VWA3B: variants seen among roughly 807,000 people sequenced by gnomAD.
VWA3B encodes von Willebrand factor A domain containing 3B, also known as von Willebrand factor A domain-containing protein 3B.
A neutral mutation model predicts 158.3 loss-of-function variants in VWA3B; 138 were observed. That is an observed-to-expected ratio of 0.87 (90% CI 0.76 to 1.00). The LOEUF is 1.00. VWA3B is among the 50% of genes least tolerant of loss of function. VWA3B has a pLI of 0.00. For missense variants in VWA3B, 1,555 were observed against 1,565.1 expected (o/e 0.99, Z 0.11); for synonymous variants, 596 against 587.3 (o/e 1.01, Z -0.21).
At chr2:98,240,019 A>T (rs1045638840) in intron 19 of VWA3B, among the ~76,000 whole-genome samples, 1 of 152,138 alleles carries the variant, frequency 6.6e-6, no homozygotes, top group Non-Finnish European at 1.5e-5. Flanking sequence ...TTTATCTGAT[A>T]AGTAATATAT....
intron 19 of VWA3B, chr2:98,242,298 G>A (rs888548391): frequency 6.6e-6 from 3 of 456,012 alleles, no homozygotes; most frequent in Non-Finnish European, 1.3e-5. Context: ...TTGGAAATGA[G>A]GTATTGAGCA....
At chr2:98,287,144 T>C (rs1689214864) in intron 22 of VWA3B, among the ~76,000 whole-genome samples, 1 of 152,260 alleles carries the variant, frequency 6.6e-6, no homozygotes, top group African/African-American at 2.4e-5. Flanking sequence ...TTCTGAGTGT[T>C]AGGATTTCCT....
intron 19 of VWA3B, among the ~76,000 whole-genome samples, chr2:98,240,418 G>A (rs10170356): frequency 0.89 from 135,000 of 152,210 alleles, 60,073 homozygotes; most frequent in East Asian, 0.97. Flanking sequence ...ATCTTTGCAC[G>A]TAGATTTTTG....
chr2:98,287,899 A>T lies in VWA3B; in HGVS notation c.3046-2612A>T, dbSNP rs150241077. On this transcript the variant is annotated intron_variant, in intron 22 of 27. Transcript: ENST00000477737. ...GAGTACATGGTCTTTTTCTTCTGTT[A>T]TATCAATTCTATCATTTCTGCTACT... Among the ~76,000 whole-genome samples the T allele has an allele frequency of 1.0e-2, 1,519 of 152,262 alleles. 10 individuals carry two copies. Among genetic ancestry groups the T allele is most frequent in the Non-Finnish European group, 0.017 (1,143 of 68,012 alleles).
chr2:98,166,039 A>G (rs1322349133), intron 8 of VWA3B, among the ~76,000 whole-genome samples: 1 of 152,092 alleles, frequency 6.6e-6, no homozygotes, highest in Non-Finnish European at 1.5e-5. Context: ...CAGGGTCTTT[A>G]AAAAGGTAAT....
At chr2:98,118,116 ATT>A (rs1018367312) in intron 3 of VWA3B, among the ~76,000 whole-genome samples, 5 of 152,154 alleles carry the variant, frequency 3.3e-5, no homozygotes, top group Admixed American at 6.5e-5. Context: ...TGCTAAGTAT[ATT>A]TTTTATCTGA....
At chr2:98,313,603 C>T (rs894461862), downstream of VWA3B, among the ~76,000 whole-genome samples, 2 of 152,222 alleles carry the variant, frequency 1.3e-5, no homozygotes, top group African/African-American at 4.8e-5. Context: ...TACGTGCATG[C>T]ATGTGAGCCT....
intron 8 of VWA3B, among the ~76,000 whole-genome samples, chr2:98,170,083 C>T (rs570709548): frequency 1.7e-4 from 26 of 152,056 alleles, no homozygotes; most frequent in Non-Finnish European, 3.4e-4. Context: ...GTGGTGATCG[C>T]ACCACTGCAT....
At chr2:98,093,432 G>A in intron 2 of VWA3B, 144 bp downstream of exon 2, 6 of 715,068 alleles carry the variant, frequency 8.4e-6, no homozygotes, top group South Asian at 4.0e-5. Context: ...ATGCTTGCAC[G>A]TGTGCCCCCA....
At chr2:98,102,568 G>T (rs796341113) in intron 2 of VWA3B, among the ~76,000 whole-genome samples, 1 of 152,134 alleles carries the variant, frequency 6.6e-6, no homozygotes, top group African/African-American at 2.4e-5. Flanking sequence ...TGGGGCGGCC[G>T]GCCCTTATTT....
chr2:98,199,012 A>G (rs1682299812), intron 12 of VWA3B, among the ~76,000 whole-genome samples: 1 of 151,688 alleles, frequency 6.6e-6, no homozygotes, highest in Non-Finnish European at 1.5e-5. Context: ...GCGTGAATCC[A>G]GGAGGCAGAG....
chr2:98,245,455 C>T, intron 19 of VWA3B: 2 of 420,426 alleles, frequency 4.8e-6, no homozygotes, highest in South Asian at 3.4e-5. Context: ...ATGTCAGACT[C>T]GAAGTGTGGG....
intron 7 of VWA3B, among the ~76,000 whole-genome samples, chr2:98,153,730 T>G (rs1278878168): frequency 6.6e-6 from 1 of 152,232 alleles, no homozygotes; most frequent in Non-Finnish European, 1.5e-5. Flanking sequence ...AAAATTCAGT[T>G]GAATTCAGCG....
rs143246900 is a variant in VWA3B at position 98,231,666 on chromosome 2, G to A, written c.2308+1459G>A. 1.4e-4 allele frequency among the ~76,000 whole-genome samples: 21 copies of A among 152,344 alleles called. No homozygotes were observed. The East Asian group carries it at 4.0e-3, about 29-fold the overall frequency. ...AGAAAACCTCTATCCAGTTAAGGAA[G>A]TTCCACACATTTCTAGCTTTCTGAG... On this transcript the variant is annotated intron_variant, in intron 16 of 27. Coordinates refer to ENST00000477737, the MANE Select transcript of VWA3B (RefSeq NM_144992.5).
intron 21 of VWA3B, among the ~76,000 whole-genome samples, chr2:98,268,008 A>G (rs1462198482): frequency 1.3e-5 from 2 of 150,198 alleles, no homozygotes; most frequent in East Asian, 3.9e-4. Context: ...TGAATCTCTG[A>G]GTAGACCAAT....
At chr2:98,288,720 C>T in intron 22 of VWA3B, among the ~76,000 whole-genome samples, 1 of 152,184 alleles carries the variant, frequency 6.6e-6, no homozygotes, top group East Asian at 1.9e-4. Context: ...CTCTTTGTCT[C>T]CCAATCCTAA....
chr2:98,133,832 C>T lies in VWA3B; in HGVS notation c.881C>T (p.Ala294Val), dbSNP rs767869873. The T allele has an allele frequency of 2.5e-6, 4 of 1,614,030 alleles. No homozygotes were observed. Among genetic ancestry groups the T allele is most frequent in the Non-Finnish European group, 1.7e-6 (2 of 1,179,966 alleles). Residue 294 changes from alanine (A) to valine (V), a missense_variant, in exon 7 of 28, where the codon GCA (alanine) becomes GTA (valine). Transcript: ENST00000477737. ...ATCTCTTCACGTTTCAGATTCCACGCATTTGCCGAGAGAACAGAGTGTGTA... is the reference window on the plus strand; with the variant it reads ...ATCTCTTCACGTTTCAGATTCCACGTATTTGCCGAGAGAACAGAGTGTGTA... The part of the protein sequence containing the change: ...LSAKTHSRFH[A>V]FAERTECVEF...
At chr2:98,196,238 A>G (rs1682028964) in intron 12 of VWA3B, among the ~76,000 whole-genome samples, 1 of 152,182 alleles carries the variant, frequency 6.6e-6, no homozygotes, top group African/African-American at 2.4e-5. Context: ...AATGTATTGT[A>G]TACTTGAAAA....
chr2:98,237,466 A>G (rs970756030), intron 19 of VWA3B, among the ~76,000 whole-genome samples: 2 of 152,252 alleles, frequency 1.3e-5, no homozygotes, highest in South Asian at 2.1e-4. Flanking sequence ...CATGTTAGCA[A>G]AAGAACCACC....
Sources: gnomAD v4.1 joint callset for allele counts (sites outside exome capture counted in the v4.1 genomes callset) on GRCh38, gnomAD v4.1.1 for gene constraint, MANE v1.5 for transcripts, NCBI Gene and HGNC (gene_info 2026-07-23, HGNC 2026-07-21) for gene names.